The following NRG1 variants were observed in gnomAD, a reference collection of about 807,000 sequenced individuals.
NRG1 encodes pro-neuregulin-1, membrane-bound isoform.
A neutral mutation model predicts 63.8 loss-of-function variants in NRG1; 18 were observed. The observed-to-expected ratio is 0.28, with a 90% CI of 0.19 to 0.42. The LOEUF is 0.42. Ranked by LOEUF, NRG1 falls within the 10% of genes least tolerant of loss-of-function variation. The pLI is 1.00. For missense variants in NRG1, 762 were observed against 814.7 expected (o/e 0.94, Z 0.79); for synonymous variants, 302 against 301.3 (o/e 1.00, Z -0.02).
intron 1 of NRG1, among the ~76,000 whole-genome samples, chr8:32,008,050 C>A (rs982524239): frequency 7.2e-5 from 11 of 151,966 alleles, no homozygotes; most frequent in African/African-American, 2.7e-4. Flanking sequence ...ATAGGTGGGA[C>A]TGGTATATTT....
intron 1 of NRG1, among the ~76,000 whole-genome samples, chr8:32,206,991 A>G (rs1844134451): frequency 6.6e-6 from 1 of 152,226 alleles, no homozygotes; most frequent in South Asian, 2.1e-4. Context: ...GAACTTCACC[A>G]TAATCCATCT....
intron 1 of NRG1, among the ~76,000 whole-genome samples, chr8:31,715,281 A>G (rs1410672664): frequency 1.3e-5 from 2 of 152,166 alleles, no homozygotes; most frequent in Admixed American, 6.5e-5. Flanking sequence ...AAAAAGGTGC[A>G]TGTACATAGA....
rs377755066 is a variant in NRG1, at chr8:32,751,688, G to T, written c.692-2684G>T. Among the ~76,000 whole-genome samples the T allele has an allele frequency of 5.9e-5, 9 of 152,232 alleles. No individual in the cohort carries two copies. The Middle Eastern group carries it at 0.01, about 173-fold the overall frequency. Reference sequence around the variant, plus strand: ...CCACGTCTGTATTCTATGGGCCTTCGCTTGAATCAGCTCATTCTAGTGCTG... The same window carrying T: ...CCACGTCTGTATTCTATGGGCCTTCTCTTGAATCAGCTCATTCTAGTGCTG... On this transcript the variant is annotated intron_variant, in intron 7 of 11. Coordinates refer to ENST00000356819, the Ensembl canonical transcript of NRG1.
intron 5 of NRG1, among the ~76,000 whole-genome samples, chr8:32,634,934 T>C (rs1851042584): frequency 6.6e-6 from 1 of 152,240 alleles, no homozygotes; most frequent in African/African-American, 2.4e-5. Context: ...TTTTAAATTC[T>C]CACTTTTTCC....
chr8:32,690,521 G>A (rs1431160444), intron 5 of NRG1, among the ~76,000 whole-genome samples: 1 of 150,412 alleles, frequency 6.6e-6, no homozygotes, highest in Non-Finnish European at 1.5e-5. Flanking sequence ...TCATTCCCAG[G>A]GTAGTAGGTG....
chr8:32,155,860 GTTA>G (rs1838006706), intron 1 of NRG1, among the ~76,000 whole-genome samples: 1 of 152,078 alleles, frequency 6.6e-6, no homozygotes, highest in Non-Finnish European at 1.5e-5. Context: ...AATTCACCAA[GTTA>G]TTATTGATTT....
chr8:32,165,109 G>A (rs1839259548), intron 1 of NRG1, among the ~76,000 whole-genome samples: 1 of 151,972 alleles, frequency 6.6e-6, no homozygotes, highest in South Asian at 2.1e-4. Context: ...GAAGTTGGAG[G>A]TGGGTATCAC....
intron 1 of NRG1, among the ~76,000 whole-genome samples, chr8:32,511,367 G>GTGTA (rs1338353608): frequency 0.016 from 1,949 of 121,950 alleles, 14 homozygotes; most frequent in South Asian, 0.029. Context: ...ATATATATGT[G>GTGTA]TATATATATA....
chr8:31,762,937 T>G (rs1817697662), intron 1 of NRG1, among the ~76,000 whole-genome samples: 1 of 152,120 alleles, frequency 6.6e-6, no homozygotes, highest in African/African-American at 2.4e-5. Context: ...ACATAAAAAT[T>G]CGTAATAAAA....
intron 1 of NRG1, among the ~76,000 whole-genome samples, chr8:32,350,645 C>A (rs1200559921): frequency 6.6e-6 from 1 of 151,954 alleles, no homozygotes; most frequent in African/African-American, 2.4e-5. Flanking sequence ...GGTGTTTATT[C>A]TTTTTGAGCC....
chr8:31,890,245 G>A lies in NRG1; in HGVS notation c.37+250814G>A, dbSNP rs565552444. Among the ~76,000 whole-genome samples the A allele has an allele frequency of 1.5e-4, 23 of 152,328 alleles. 1 individual carries two copies. In the South Asian group the frequency reaches 3.5e-3, roughly 23 times the overall value. Reference sequence around the variant, plus strand: ...TCCTAGAGAAAATAGAAATGGTTTAGAGAAGAGATCTTTTCAAGATATCTA... The same window carrying A: ...TCCTAGAGAAAATAGAAATGGTTTAAAGAAGAGATCTTTTCAAGATATCTA... On this transcript the variant is annotated intron_variant, in intron 1 of 10. Transcript: ENST00000519301.
At chr8:32,128,148 T>C (rs1834348953) in intron 1 of NRG1, among the ~76,000 whole-genome samples, 1 of 151,958 alleles carries the variant, frequency 6.6e-6, no homozygotes, top group Non-Finnish European at 1.5e-5. Flanking sequence ...TCTTCCTCCC[T>C]GAACCTGGGA....
At chr8:32,535,961 A>G (rs1437250764) in intron 1 of NRG1, among the ~76,000 whole-genome samples, 3 of 152,130 alleles carry the variant, frequency 2.0e-5, no homozygotes, top group Non-Finnish European at 4.4e-5. Context: ...CTTTCTTCCT[A>G]TTTATCATTT....
intron 1 of NRG1, among the ~76,000 whole-genome samples, chr8:32,313,311 A>C (rs1857028552): frequency 6.6e-6 from 1 of 152,160 alleles, no homozygotes; most frequent in Admixed American, 6.5e-5. Flanking sequence ...CTTTGGTGTG[A>C]CCTGAAACCC....
rs749978019 is a variant in NRG1, at chr8:32,614,501, C to G, written c.401-13C>G. ...TTTATATATCATAATGTCCTATCAC[C>G]TTTTTTTTTCAGAGATCATCACTGG... On this transcript the variant is annotated splice_polypyrimidine_tract_variant and intron_variant, in intron 3 of 11. Transcript: ENST00000356819. 6.4e-7 allele frequency: 1 copy of G among 1,573,324 alleles called. No individual in the cohort carries two copies. Among genetic ancestry groups the G allele is most frequent in the Non-Finnish European group, 8.7e-7 (1 of 1,150,894 alleles).
intron 7 of NRG1, among the ~76,000 whole-genome samples, chr8:32,743,680 C>T (rs1156428684): frequency 6.7e-6 from 1 of 150,028 alleles, no homozygotes. Context: ...TCCTAAAAGA[C>T]CCAATTCACA....
chr8:32,725,625 G>A (rs756248962), intron 5 of NRG1, among the ~76,000 whole-genome samples: 24 of 151,348 alleles, frequency 1.6e-4, no homozygotes, highest in Non-Finnish European at 2.1e-4. Flanking sequence ...ACAGGGGCAC[G>A]CCACCATGCT....
At chr8:31,663,288 G>A (rs534722930) in intron 1 of NRG1, among the ~76,000 whole-genome samples, 27 of 152,320 alleles carry the variant, frequency 1.8e-4, no homozygotes, top group African/African-American at 6.0e-4. Context: ...TTTGGAAGTA[G>A]TTAAGTATTC....
chr8:32,575,739 AGGGTGAAACTTG>A (rs1839505112), intron 1 of NRG1, among the ~76,000 whole-genome samples: 1 of 152,196 alleles, frequency 6.6e-6, no homozygotes, highest in Non-Finnish European at 1.5e-5. Context: ...TGTTCTAATA[AGGGTGAAACTTG>A]GTCTGGGAAT....
Sources: allele counts gnomAD v4.1 joint callset (sites outside exome capture counted in the v4.1 genomes callset), GRCh38; gene constraint gnomAD v4.1.1; transcripts MANE v1.5; gene names NCBI Gene and HGNC (gene_info 2026-07-23, HGNC 2026-07-21).